SAMHD1: variants seen among roughly 807,000 people sequenced by gnomAD.
SAMHD1 encodes SAM and HD domain containing deoxynucleoside triphosphate triphosphohydrolase 1.
In SAMHD1, 54 loss-of-function variants were observed where a neutral mutation model predicts 79.6. The ratio of observed to expected loss-of-function variants is 0.68; its 90% confidence interval spans 0.55 to 0.85. The LOEUF (loss-of-function observed/expected upper bound fraction) is 0.85. Ranked by LOEUF, SAMHD1 falls within the 40% of genes least tolerant of loss-of-function variation. The pLI is 0.00. For synonymous variants in SAMHD1, 260 were observed against 264.1 expected (o/e 0.98, Z 0.15); for missense variants, 663 against 782.7 (o/e 0.85, Z 1.82).
At chr20:36,932,001 C>T (rs746057294) in intron 4 of SAMHD1, among the ~76,000 whole-genome samples, 31 of 151,652 alleles carry the variant, frequency 2.0e-4, no homozygotes, top group African/African-American at 7.3e-4. Context: ...AAAAGAGGGC[C>T]GGGTGCGGTG....
chr20:36,926,818 T>A (rs2063539230), intron 6 of SAMHD1: 2 of 172,226 alleles, frequency 1.2e-5, no homozygotes, highest in Non-Finnish European at 2.5e-5. Flanking sequence ...ACCAAATGTG[T>A]CAAAACTGGA....
intron 15 of SAMHD1, chr20:36,894,164 C>T (rs1990149976): frequency 2.6e-6 from 1 of 388,722 alleles, no homozygotes; most frequent in East Asian, 3.7e-5. Context: ...ATCTCACCCC[C>T]ATGTTAAATT....
In SAMHD1 at chr20:36,911,180, T is replaced by C. The variant is rs777540310; in HGVS notation, c.1270+38A>G. On this transcript the variant is annotated intron_variant, in intron 11 of 15. Transcript: ENST00000646673. ...CAATTCAGGGACTTCTTACAGTTTA[T>C]CTGAGATGGACCATCTATGTTACCT... is the stretch of plus-strand genomic sequence containing the variant. 4.0e-5 allele frequency: 49 copies of C among 1,230,084 alleles called. No homozygotes were observed. In the Admixed American group the frequency reaches 8.2e-4, roughly 21 times the overall value. The allele number at this position is 1,230,084 out of a possible 1,614,324, so 76.2% of individuals were successfully genotyped here.
intron 1 of SAMHD1, among the ~76,000 whole-genome samples, chr20:36,948,790 C>T (rs1399914398): frequency 4.7e-5 from 7 of 149,586 alleles, no homozygotes; most frequent in Admixed American, 4.0e-4. Context: ...TTGCTTGAAC[C>T]CGGGAGGCAG....
chr20:36,904,435 G>A (rs1458640059), intron 12 of SAMHD1, 186 bp from the exon 13 acceptor site: 9 of 588,220 alleles, frequency 1.5e-5, no homozygotes, highest in Non-Finnish European at 2.5e-5. Flanking sequence ...ATTGTAAAAA[G>A]TGGCCAGGCG....
chr20:36,906,806 T>C (rs928527183), intron 11 of SAMHD1, among the ~76,000 whole-genome samples: 1 of 151,972 alleles, frequency 6.6e-6, no homozygotes, highest in African/African-American at 2.4e-5. Context: ...ATTTTTTTTT[T>C]TTTGAGACAG....
At position 36,917,001 on chromosome 20, in the gene SAMHD1, C is replaced by G. The variant is rs1300702859; in HGVS notation, c.901G>C (p.Val301Leu). 1.2e-5 allele frequency: 20 copies of G among 1,613,888 alleles called. No individual in the cohort carries two copies. Among genetic ancestry groups the G allele is most frequent in the Non-Finnish European group, 1.7e-5 (20 of 1,179,914 alleles). The change falls in exon 8 of 16, where the codon GTA (valine) becomes CTA (leucine). Residue 301 changes from valine (V) to leucine (L), a missense_variant. By Grantham distance (32) the Val-to-Leu change is conservative. Transcript: ENST00000646673. ...PENKSFLYEI[V>L]SNKRNGIDVD... is the part of the protein sequence containing the mutation. ...TCAATGCCATTTCTTTTATTAGATACTATCTCATAAAGGAAGCTTTTGTTT... is the reference window on the plus strand; with the variant it reads ...TCAATGCCATTTCTTTTATTAGATAGTATCTCATAAAGGAAGCTTTTGTTT...
intron 6 of SAMHD1, among the ~76,000 whole-genome samples, chr20:36,921,934 C>T (rs2063508547): frequency 6.6e-6 from 1 of 152,126 alleles, no homozygotes; most frequent in Non-Finnish European, 1.5e-5. Context: ...GGTAATCCAC[C>T]CACCTTGGCC....
At chr20:36,936,687 G>GT (rs2063605735) in intron 3 of SAMHD1, among the ~76,000 whole-genome samples, 1 of 151,880 alleles carries the variant, frequency 6.6e-6, no homozygotes, top group African/African-American at 2.4e-5. Flanking sequence ...TTTTTTGTTT[G>GT]TTTGTTTTTT....
At chr20:36,916,876 G>T in intron 8 of SAMHD1, 46 bp from the exon 9 acceptor site, 1 of 1,582,364 alleles carries the variant, frequency 6.3e-7, no homozygotes, top group Non-Finnish European at 8.7e-7. Flanking sequence ...CAACAAGGAA[G>T]CTGTACCTTA....
chr20:36,939,251 C>A (rs2063624673), intron 3 of SAMHD1, among the ~76,000 whole-genome samples: 1 of 48,602 alleles, frequency 2.1e-5, no homozygotes, highest in Non-Finnish European at 4.3e-5. Flanking sequence ...GAGACTCCCT[C>A]TCAAAAAAAA....
chr20:36,951,624 T>G lies in SAMHD1; in HGVS notation c.20A>C (p.Glu7Ala). Residue 7 changes from glutamate (E) to alanine (A), a missense_variant, in exon 1 of 16, where the codon GAG becomes GCG. Physicochemically the swap from Glu to Ala is moderately radical, Grantham distance 107. Coordinates refer to ENST00000646673, the MANE Select transcript of SAMHD1 (RefSeq NM_015474.4). MQRADS[E>A]QPSKRPRCDD... ...GCAACGGGGACGCTTGGAGGGCTGCTCGGAATCGGCTCGCTGCATGGCTAC... is the reference window on the plus strand; with the variant it reads ...GCAACGGGGACGCTTGGAGGGCTGCGCGGAATCGGCTCGCTGCATGGCTAC... 1 of 1,613,858 alleles carries G rather than the reference T, an allele frequency of 6.2e-7. No homozygotes were observed. The highest frequency in any genetic ancestry group is 8.5e-7 in the Non-Finnish European group (1 of 1,179,976).
chr20:36,940,142 G>C (rs2063632892), intron 3 of SAMHD1: 1 of 151,534 alleles, frequency 6.6e-6, no homozygotes, highest in African/African-American at 2.4e-5. Context: ...GAGAGGCAGA[G>C]GTTGCAGTGA....
intron 11 of SAMHD1, among the ~76,000 whole-genome samples, chr20:36,909,186 T>G (rs990657666): frequency 2.0e-5 from 3 of 152,044 alleles, no homozygotes; most frequent in African/African-American, 7.2e-5. Flanking sequence ...GGTCTCGAAC[T>G]CCTGACCTCA....
intron 6 of SAMHD1, among the ~76,000 whole-genome samples, chr20:36,926,144 CTTAT>C (rs2063534967): frequency 1.3e-5 from 2 of 151,888 alleles, no homozygotes; most frequent in African/African-American, 4.8e-5. Context: ...GCACGACAAC[CTTAT>C]TTATAACAAC....
At position 36,950,641 on chromosome 20, in the gene SAMHD1, G is replaced by T. The variant is rs182176469; in HGVS notation, c.208+795C>A. ...AACTCAACCTAAACACTTCTCCAGG[G>T]GATGTGGCCAAACTGTGGCATGCTG... is the stretch of plus-strand genomic sequence containing the variant. On this transcript the variant is annotated intron_variant, in intron 1 of 15. Coordinates refer to ENST00000646673, the MANE Select transcript of SAMHD1 (RefSeq NM_015474.4). Among the ~76,000 whole-genome samples, 269 of 152,280 alleles carry T rather than the reference G, an allele frequency of 1.8e-3. 1 individual carries two copies. The highest frequency in any genetic ancestry group is 6.0e-3 in the African/African-American group (250 of 41,548).
intron 6 of SAMHD1, among the ~76,000 whole-genome samples, chr20:36,923,339 T>C (rs907210572): frequency 6.6e-6 from 1 of 151,988 alleles, no homozygotes; most frequent in African/African-American, 2.4e-5. Context: ...GGTGGATCAC[T>C]TGACCCTGGG....
At chr20:36,902,550 C>T (rs1201550155) in intron 13 of SAMHD1, among the ~76,000 whole-genome samples, 8 of 152,092 alleles carry the variant, frequency 5.3e-5, no homozygotes, top group Admixed American at 2.6e-4. Flanking sequence ...GTTTCGTGAC[C>T]GGAAATTTAT....
intron 15 of SAMHD1, among the ~76,000 whole-genome samples, chr20:36,894,692 G>A (rs979041819): frequency 4.6e-5 from 7 of 151,666 alleles, no homozygotes; most frequent in Admixed American, 3.9e-4. Flanking sequence ...ACTTCAACCC[G>A]GGAGGTGGAG....
Sources: allele counts gnomAD v4.1 joint callset (sites outside exome capture counted in the v4.1 genomes callset), GRCh38; gene constraint gnomAD v4.1.1; transcripts MANE v1.5; gene names NCBI Gene and HGNC (gene_info 2026-07-23, HGNC 2026-07-21).